The following SPACA7 variants were observed in gnomAD, a reference collection of about 807,000 sequenced individuals.
SPACA7 encodes sperm acrosome associated 7.
Under a neutral mutation model 26.3 loss-of-function variants are expected in SPACA7, and 19 were observed. That is an observed-to-expected ratio of 0.72 (90% CI 0.50 to 1.06). The LOEUF (loss-of-function observed/expected upper bound fraction) is 1.06. SPACA7 is among the 50% of genes least tolerant of loss of function. SPACA7 has a pLI of 0.00. For synonymous variants in SPACA7, 84 were observed against 84.5 expected, an observed-to-expected ratio of 0.99 and a Z score of 0.04; for missense variants, 211 against 229.9, an observed-to-expected ratio of 0.92 and a Z score of 0.53.
chr13:112,387,048 G>A (rs1315012852), intron 1 of SPACA7, among the ~76,000 whole-genome samples: 1 of 152,174 alleles, frequency 6.6e-6, no homozygotes, highest in Non-Finnish European at 1.5e-5. Flanking sequence ...CAGAAACCAA[G>A]ACTAGAACCC....
chr13:112,432,704 C>G (rs1209933344), intron 6 of SPACA7, among the ~76,000 whole-genome samples, 183 bp downstream of exon 6: 1 of 152,160 alleles, frequency 6.6e-6, no homozygotes, highest in Non-Finnish European at 1.5e-5. Context: ...CAGACAAGTC[C>G]AATTCAAGGA....
In SPACA7 at chr13:112,401,123, C is replaced by A. The variant is rs2138960179; in HGVS notation, c.404C>A (p.Pro135Gln). 1 of 1,614,082 alleles carries A rather than the reference C, an allele frequency of 6.2e-7. No homozygotes were observed. The highest frequency in any genetic ancestry group is 1.1e-5 in the South Asian group (1 of 91,074). ...GATCCTTCTGAGAATTATCGTGGGCCACAGGTGTCTCCTGGCAGTGAGAAG... is the reference window on the plus strand; with the variant it reads ...GATCCTTCTGAGAATTATCGTGGGCAACAGGTGTCTCCTGGCAGTGAGAAG... ...HGDPSENYRG[P>Q]QVSPGSEKSV... Residue 135 changes from proline to glutamine, a missense_variant, in exon 5 of 7, where the codon CCA (proline) becomes CAA (glutamine). By Grantham distance (76) the Pro-to-Gln change is moderately conservative. Coordinates refer to ENST00000283550, the MANE Select transcript of SPACA7 (RefSeq NM_145248.5).
At chr13:112,378,225 G>A (rs1883818676) in intron 1 of SPACA7, among the ~76,000 whole-genome samples, 1 of 152,178 alleles carries the variant, frequency 6.6e-6, no homozygotes, top group African/African-American at 2.4e-5. Flanking sequence ...AAGGCTTCAG[G>A]ATCCAGTCCA....
At chr13:112,416,804 T>TTGTGTGTGTA (rs1555329281) in intron 5 of SPACA7, among the ~76,000 whole-genome samples, 20 of 148,042 alleles carry the variant, frequency 1.4e-4, no homozygotes, top group African/African-American at 5.0e-4. Flanking sequence ...TGATTATGAG[T>TTGTGTGTGTA]TGTGTGTGTG....
chr13:112,378,732 G>A, intron 1 of SPACA7: 1 of 471,144 alleles, frequency 2.1e-6, no homozygotes, highest in South Asian at 1.5e-5. Context: ...CAGGTAGCAG[G>A]TCAGTTTCTC....
chr13:112,422,087 A>G lies in SPACA7; in HGVS notation c.446-10357A>G, dbSNP rs539207803. Among the ~76,000 whole-genome samples the G allele has an allele frequency of 1.1e-4, 16 of 152,294 alleles. No homozygotes were observed. In the East Asian group the frequency reaches 3.1e-3, roughly 29 times the overall value. On this transcript the variant is annotated intron_variant, in intron 5 of 6. Transcript: ENST00000283550. Reference sequence around the variant, plus strand: ...ACACTTTAAAACTTGGAGAAAAATAAATGTTTTTCTAGAAAACTTTAGAAA... The same window carrying G: ...ACACTTTAAAACTTGGAGAAAAATAGATGTTTTTCTAGAAAACTTTAGAAA...
chr13:112,381,292 C>T (rs1884040613), intron 1 of SPACA7, among the ~76,000 whole-genome samples: 1 of 151,938 alleles, frequency 6.6e-6, no homozygotes, highest in South Asian at 2.1e-4. Flanking sequence ...GAATTTAAAA[C>T]CAGCCTGGGA....
chr13:112,409,003 G>C (rs1429497643), intron 5 of SPACA7, among the ~76,000 whole-genome samples: 1 of 152,106 alleles, frequency 6.6e-6, no homozygotes, highest in African/African-American at 2.4e-5. Context: ...CATGATACTG[G>C]TACCAAAACA....
chr13:112,431,931 G>A (rs1271577394), intron 5 of SPACA7, among the ~76,000 whole-genome samples: 1 of 152,194 alleles, frequency 6.6e-6, no homozygotes, highest in Non-Finnish European at 1.5e-5. Context: ...CACTCACACT[G>A]CCTGCACCTC....
intron 5 of SPACA7, among the ~76,000 whole-genome samples, chr13:112,416,254 T>C (rs1385709417): frequency 6.7e-6 from 1 of 149,510 alleles, no homozygotes; most frequent in Non-Finnish European, 1.5e-5. Flanking sequence ...GCTATCTTGC[T>C]CCACTTTCTG....
chr13:112,399,172 TG>T lies in SPACA7; in HGVS notation c.349+1del. 6.6e-7 allele frequency: 1 copy of T among 1,512,988 alleles called. No homozygotes were observed. The highest frequency in any genetic ancestry group is 1.7e-5 in the Admixed American group (1 of 59,894). 93.7% of individuals were successfully genotyped at this position (1,512,988 alleles called of 1,614,324 possible). A position where few individuals can be genotyped will look rare whatever the true frequency, so the allele number is the denominator to read the frequency against. ...GCATTGAGGTCAAAATTTCCAATGATGGTAAATGCAACCCAGTAATTACCCC... is the reference window on the plus strand; with the variant it reads ...GCATTGAGGTCAAAATTTCCAATGATGTAAATGCAACCCAGTAATTACCCC... ...PGIEVKISNDEANANANLHGD... is the reference protein window; with the variant it reads ...PGIEVKISNDXANANANLHGD... On this transcript the variant is annotated frameshift_variant and splice_region_variant, in exon 4 of 7. Coordinates refer to ENST00000283550, the MANE Select transcript of SPACA7 (RefSeq NM_145248.5). LOFTEE classifies it high-confidence loss of function.
chr13:112,395,434 G>A (rs1235262478), intron 2 of SPACA7, among the ~76,000 whole-genome samples: 5 of 152,138 alleles, frequency 3.3e-5, no homozygotes, highest in Admixed American at 2.0e-4. Context: ...CCAGCCCCCC[G>A]GACTGGCTGC....
At chr13:112,432,724 C>T (rs372781259) in intron 6 of SPACA7, among the ~76,000 whole-genome samples, 17 of 152,296 alleles carry the variant, frequency 1.1e-4, no homozygotes, top group East Asian at 7.8e-4. Flanking sequence ...AGTCAAGGCC[C>T]GTGTCATTGA....
chr13:112,421,629 A>G (rs1875991290), intron 5 of SPACA7, among the ~76,000 whole-genome samples: 1 of 152,202 alleles, frequency 6.6e-6, no homozygotes, highest in Admixed American at 6.5e-5. Context: ...ATAGGAATAT[A>G]AATCATTCTA....
intron 2 of SPACA7, 22 bp downstream of exon 2, chr13:112,393,099 A>G: frequency 6.2e-7 from 1 of 1,603,942 alleles, no homozygotes; most frequent in Non-Finnish European, 8.5e-7. Context: ...CCTCCTATCA[A>G]CCTCTGGCCT....
At chr13:112,396,832 G>A (rs1169107797) in intron 2 of SPACA7, among the ~76,000 whole-genome samples, 4 of 152,112 alleles carry the variant, frequency 2.6e-5, no homozygotes, top group African/African-American at 9.7e-5. Flanking sequence ...AGGTTGTCCT[G>A]GCCTCTCCTC....
intron 5 of SPACA7, among the ~76,000 whole-genome samples, chr13:112,405,694 G>A (rs1885944241): frequency 6.6e-6 from 1 of 152,122 alleles, no homozygotes; most frequent in Non-Finnish European, 1.5e-5. Flanking sequence ...TTTTGATTAT[G>A]TTGTTTAAGT....
chr13:112,391,513 G>T (rs1423943101), intron 1 of SPACA7, among the ~76,000 whole-genome samples: 1 of 152,186 alleles, frequency 6.6e-6, no homozygotes, highest in African/African-American at 2.4e-5. Flanking sequence ...CTTTCACGGA[G>T]GCCAGCGTGT....
At chr13:112,410,590 C>T (rs1240460823) in intron 5 of SPACA7, among the ~76,000 whole-genome samples, 1 of 152,058 alleles carries the variant, frequency 6.6e-6, no homozygotes, top group Non-Finnish European at 1.5e-5. Flanking sequence ...AGGACAAATA[C>T]TGTGTGATTC....
Sources: gnomAD v4.1 joint callset for allele counts (sites outside exome capture counted in the v4.1 genomes callset) on GRCh38, gnomAD v4.1.1 for gene constraint, MANE v1.5 for transcripts, NCBI Gene and HGNC (gene_info 2026-07-23, HGNC 2026-07-21) for gene names.